The following LIMCH1 variants were observed in gnomAD, a reference collection of about 807,000 sequenced individuals.
LIMCH1 encodes the protein LIM and calponin homology domains 1.
Under a neutral mutation model 176.5 loss-of-function variants are expected in LIMCH1, and 113 were observed. That is an observed-to-expected ratio of 0.64 (90% CI 0.55 to 0.75). The LOEUF (loss-of-function observed/expected upper bound fraction) is 0.75, where lower values mean the gene tolerates loss of function less well. Among genes scored for constraint, LIMCH1 ranks in the 30% least tolerant of loss-of-function variants. The probability of loss-of-function intolerance (pLI) is 0.00; values close to 1 mark genes in which losing one functional copy is unlikely to be tolerated. For missense variants in LIMCH1, 1,674 were observed against 1,814.9 expected (o/e 0.92, Z 1.41); for synonymous variants, 619 against 645.9 (o/e 0.96, Z 0.63).
intron 1 of LIMCH1, among the ~76,000 whole-genome samples, chr4:41,393,707 A>T (rs2057502063): frequency 6.6e-6 from 1 of 152,220 alleles, no homozygotes; most frequent in Admixed American, 6.5e-5. Flanking sequence ...CATATAACAG[A>T]AGGAAAAACA....
intron 2 of LIMCH1, among the ~76,000 whole-genome samples, chr4:41,509,097 G>A (rs35834217): frequency 2.6e-5 from 4 of 152,124 alleles, no homozygotes; most frequent in East Asian, 1.9e-4. Flanking sequence ...TGTTCAGAGC[G>A]AAAGGGGGTA....
intron 1 of LIMCH1, among the ~76,000 whole-genome samples, chr4:41,582,731 A>C (rs1420142431): frequency 1.3e-5 from 2 of 152,228 alleles, no homozygotes; most frequent in Non-Finnish European, 2.9e-5. Context: ...TGCTTAGAAC[A>C]GTGTCTTACA....
chr4:41,380,797 A>G (rs1011850295), intron 1 of LIMCH1, among the ~76,000 whole-genome samples: 22 of 152,232 alleles, frequency 1.4e-4, no homozygotes, highest in Non-Finnish European at 3.1e-4. Context: ...ATGTGCATCC[A>G]GGGAATACAG....
chr4:41,567,501 A>G (rs1236306518), intron 1 of LIMCH1, among the ~76,000 whole-genome samples: 1 of 152,168 alleles, frequency 6.6e-6, no homozygotes, highest in East Asian at 1.9e-4. Flanking sequence ...GTAATATATG[A>G]CTGAGGCAGA....
intron 2 of LIMCH1, among the ~76,000 whole-genome samples, chr4:41,521,328 T>A (rs529091411): frequency 6.6e-6 from 1 of 152,294 alleles, no homozygotes; most frequent in East Asian, 1.9e-4. Flanking sequence ...TCTACAAAAA[T>A]GGTGGGACAC....
At chr4:41,589,614 C>T (rs2087121665) in intron 1 of LIMCH1, among the ~76,000 whole-genome samples, 1 of 152,272 alleles carries the variant, frequency 6.6e-6, no homozygotes, top group South Asian at 2.1e-4. Context: ...GCTGGCTTCC[C>T]AGGTTCTCCT....
chr4:41,687,338 T>G (rs1721662534), intron 28 of LIMCH1, among the ~76,000 whole-genome samples: 1 of 152,134 alleles, frequency 6.6e-6, no homozygotes, highest in African/African-American at 2.4e-5. Context: ...ATCCCACGTA[T>G]CCATAATGAA....
At chr4:41,608,485 GT>G (rs544287240) in intron 4 of LIMCH1, among the ~76,000 whole-genome samples, 2 of 151,976 alleles carry the variant, frequency 1.3e-5, no homozygotes, top group African/African-American at 2.4e-5. Flanking sequence ...TTTGAAATTA[GT>G]TTTTTTTCTT....
At chr4:41,400,817 T>TG (rs1458742707) in intron 1 of LIMCH1, among the ~76,000 whole-genome samples, 4 of 152,210 alleles carry the variant, frequency 2.6e-5, no homozygotes, top group Non-Finnish European at 4.4e-5. Context: ...CCATGAAATT[T>TG]GCAACAGAAA....
At chr4:41,527,814 C>G (rs1266610441) in intron 3 of LIMCH1, among the ~76,000 whole-genome samples, 1 of 123,518 alleles carries the variant, frequency 8.1e-6, no homozygotes, top group Non-Finnish European at 1.6e-5. Flanking sequence ...CAGAGCGAGA[C>G]TCCGTCTCAA....
intron 1 of LIMCH1, among the ~76,000 whole-genome samples, chr4:41,442,221 G>A (rs2062776347): frequency 6.6e-6 from 1 of 152,098 alleles, no homozygotes; most frequent in Non-Finnish European, 1.5e-5. Context: ...GATCACTTGA[G>A]CCTGGGAGGT....
Position 41,646,238 on chromosome 4 carries a change from G to A in LIMCH1, c.2369G>A (p.Arg790Gln), listed in dbSNP as rs551919257. Reference protein sequence around the residue: ...LLAGEDGTSERRKSIKTYREI... With the variant: ...LLAGEDGTSEQRKSIKTYREI... ...GCTGGAGAAGATGGGACAAGTGAAC[G>A]AAGGAAAAGCATCAAAACCTACAGA... The change falls in exon 16 of 32, where the codon CGA (arginine) becomes CAA (glutamine). Residue 790 changes from arginine to glutamine, a missense_variant. Around this residue, in one of 3 missense-constraint regions of LIMCH1, gnomAD observed 1,015 missense variants for 1,102.5 expected, o/e 0.92. Coordinates refer to ENST00000503057, the MANE Select transcript of LIMCH1 (RefSeq NM_001330672.2). The A allele has an allele frequency of 1.9e-6, 3 of 1,612,694 alleles. No individual in the cohort carries two copies. The highest frequency in any genetic ancestry group is 2.5e-6 in the Non-Finnish European group (3 of 1,179,786).
chr4:41,564,462 G>T (rs1437766540), intron 1 of LIMCH1, among the ~76,000 whole-genome samples: 1 of 152,150 alleles, frequency 6.6e-6, no homozygotes, highest in Non-Finnish European at 1.5e-5. Flanking sequence ...GTATGGTTAA[G>T]GGTCTGTGCT....
At chr4:41,390,269 A>AGAGAGGGAGAGC (rs760332127) in intron 1 of LIMCH1, among the ~76,000 whole-genome samples, 1 of 150,304 alleles carries the variant, frequency 6.7e-6, no homozygotes, top group Non-Finnish European at 1.5e-5. Flanking sequence ...AGAGAGAGAG[A>AGAGAGGGAGAGC]GAGAGCGAGA....
chr4:41,368,748 G>A (rs1022401000), intron 1 of LIMCH1, among the ~76,000 whole-genome samples: 10 of 152,126 alleles, frequency 6.6e-5, no homozygotes, highest in Admixed American at 2.0e-4. Context: ...TACCTGCCTC[G>A]GAAGTTCTTG....
chr4:41,402,782 C>A (rs1281968803), intron 1 of LIMCH1, among the ~76,000 whole-genome samples: 2 of 135,472 alleles, frequency 1.5e-5, no homozygotes, highest in Non-Finnish European at 3.0e-5. Context: ...ACAATGAGAA[C>A]ACATGGACAC....
chr4:41,552,083 A>G (rs1416827358), intron 1 of LIMCH1, among the ~76,000 whole-genome samples: 2 of 152,182 alleles, frequency 1.3e-5, no homozygotes, highest in Admixed American at 6.5e-5. Context: ...GAGCGTGTGC[A>G]GGGGAACTCC....
At chr4:41,543,442 T>G (rs973479798) in intron 1 of LIMCH1, among the ~76,000 whole-genome samples, 2 of 152,172 alleles carry the variant, frequency 1.3e-5, no homozygotes, top group Non-Finnish European at 2.9e-5. Flanking sequence ...TTCATGAAAT[T>G]TACTCAAGTA....
chr4:41,655,835 G>A (rs2094448828), intron 18 of LIMCH1, among the ~76,000 whole-genome samples: 1 of 151,954 alleles, frequency 6.6e-6, no homozygotes, highest in Non-Finnish European at 1.5e-5. Flanking sequence ...GGCCCTTCCT[G>A]CAGCTCTTTT....
Sources: gnomAD v4.1 joint callset for allele counts (sites outside exome capture counted in the v4.1 genomes callset) on GRCh38, gnomAD v4.1.1 for gene constraint, gnomAD v4.1.1 regional missense constraint, MANE v1.5 for transcripts, NCBI Gene and HGNC (gene_info 2026-07-23, HGNC 2026-07-21) for gene names.